The following CLASP1 variants were observed in gnomAD, a reference collection of about 807,000 sequenced individuals.
CLASP1 encodes the protein cytoplasmic linker associated protein 1, also known as CLIP-associating protein 1.
In CLASP1, 38 loss-of-function variants were observed where a neutral mutation model predicts 192.3. That is an observed-to-expected ratio of 0.20 (90% confidence interval 0.15 to 0.26). CLASP1 has a LOEUF of 0.26. Ranked by LOEUF, CLASP1 falls within the 10% of genes least tolerant of loss-of-function variation. The pLI, the probability that CLASP1 is intolerant of heterozygous loss-of-function variation, is 1.00. For missense variants in CLASP1, 1,433 were observed against 1,932.5 expected (o/e 0.74, Z 4.85); for synonymous variants, 691 against 712.8 (o/e 0.97, Z 0.49).
At chr2:121,532,325 ACT>A (rs1429705391) in intron 2 of CLASP1, 2 of 152,190 alleles carry the variant, frequency 1.3e-5, no homozygotes, top group Non-Finnish European at 2.9e-5. Flanking sequence ...TAAAATAATG[ACT>A]CTACTTTCCA....
At chr2:121,349,628 G>A (rs1026482803) in intron 37 of CLASP1, among the ~76,000 whole-genome samples, 5 of 152,214 alleles carry the variant, frequency 3.3e-5, no homozygotes, top group African/African-American at 1.2e-4. Flanking sequence ...AAGGCACAGA[G>A]AGAAGCCCCT....
intron 2 of CLASP1, among the ~76,000 whole-genome samples, chr2:121,560,691 T>C (rs1039878824): frequency 2.6e-5 from 4 of 152,230 alleles, no homozygotes; most frequent in African/African-American, 9.6e-5. Flanking sequence ...CTGACAATCC[T>C]TGAAGTTAAA....
chr2:121,469,133 G>A (rs983665530), intron 9 of CLASP1, among the ~76,000 whole-genome samples: 1 of 152,100 alleles, frequency 6.6e-6, no homozygotes, highest in Non-Finnish European at 1.5e-5. Flanking sequence ...TTGAGGTGTT[G>A]AGCTCTGCCC....
intron 1 of CLASP1, among the ~76,000 whole-genome samples, chr2:121,642,674 G>A (rs975995412): frequency 6.6e-5 from 10 of 152,264 alleles, no homozygotes; most frequent in Middle Eastern, 3.4e-3. Context: ...GGAGGTTGCA[G>A]TAAGCTGAGA....
intron 37 of CLASP1, among the ~76,000 whole-genome samples, chr2:121,350,839 C>T (rs764846355): frequency 1.6e-4 from 24 of 152,154 alleles, no homozygotes; most frequent in East Asian, 3.8e-4. Context: ...TCTCTCAGGG[C>T]GGTAAGATAA....
chr2:121,368,426 C>A (rs542051875), intron 34 of CLASP1, among the ~76,000 whole-genome samples: 1 of 152,166 alleles, frequency 6.6e-6, no homozygotes, highest in Non-Finnish European at 1.5e-5. Flanking sequence ...GGTCAAAGAA[C>A]AGGACTTTAG....
intron 37 of CLASP1, among the ~76,000 whole-genome samples, chr2:121,360,750 C>A (rs1207445201): frequency 3.3e-5 from 5 of 152,130 alleles, no homozygotes. Flanking sequence ...GTGAGTCAAA[C>A]TATGCAAAGC....
exon 17 of CLASP1, chr2:121,449,040 G>A (rs1205295247): frequency 6.2e-7 from 1 of 1,613,934 alleles, no homozygotes; most frequent in Non-Finnish European, 8.5e-7. Context: ...GGACTGCAGG[G>A]CTTTCTGGTA....
Position 121,449,233 on chromosome 2 carries a change from G to A in CLASP1, c.1524-113C>T, listed in dbSNP as rs1377175022. Reference sequence around the variant, plus strand: ...AAGGACTGGAAGCCTCAGTTTAGCCGCTAATAGTAGCAGGAGGAGAGGGTA... The same window carrying A: ...AAGGACTGGAAGCCTCAGTTTAGCCACTAATAGTAGCAGGAGGAGAGGGTA... On this transcript the variant is annotated intron_variant, in intron 16 of 39. Coordinates refer to ENST00000263710, the Ensembl canonical transcript of CLASP1. 9 of 805,346 alleles carry A rather than the reference G, an allele frequency of 1.1e-5. No individual in the cohort carries two copies. In the East Asian group the frequency reaches 1.6e-4, roughly 14 times the overall value. The allele number at this position is 805,346 out of a possible 1,614,324, so 49.9% of individuals were successfully genotyped here.
chr2:121,376,020 A>G (rs916346799), intron 34 of CLASP1, among the ~76,000 whole-genome samples: 1 of 152,260 alleles, frequency 6.6e-6, no homozygotes, highest in African/African-American at 2.4e-5. Flanking sequence ...ATTATAAAAA[A>G]GACAAAAAAT....
chr2:121,401,716 G>T (rs371781472), intron 27 of CLASP1, 44 bp from the exon 29 acceptor site: 1 of 1,518,928 alleles, frequency 6.6e-7, no homozygotes, highest in East Asian at 2.3e-5. Flanking sequence ...TTGAATTCAC[G>T]ATCTCCTCCA....
At chr2:121,426,232 A>C (rs1409941786) in intron 21 of CLASP1, among the ~76,000 whole-genome samples, 1 of 152,240 alleles carries the variant, frequency 6.6e-6, no homozygotes, top group Non-Finnish European at 1.5e-5. Context: ...AAGTCAAACA[A>C]TACACCACAA....
intron 2 of CLASP1, among the ~76,000 whole-genome samples, chr2:121,533,574 T>C (rs1406021312): frequency 2.0e-5 from 3 of 152,216 alleles, no homozygotes; most frequent in Non-Finnish European, 2.9e-5. Flanking sequence ...CAACTTCTTC[T>C]GCATGGCTCA....
intron 32 of CLASP1, 93 bp from the exon 34 acceptor site, chr2:121,382,417 T>G: frequency 2.8e-6 from 2 of 725,984 alleles, no homozygotes; most frequent in South Asian, 4.1e-5. Context: ...TGTCTTAGTC[T>G]CTTCTTTCCT....
exon 35 of CLASP1, chr2:121,367,763 GCCT>G: frequency 6.2e-7 from 1 of 1,613,864 alleles, no homozygotes; most frequent in Non-Finnish European, 8.5e-7. Context: ...GAGCTGTCCG[GCCT>G]CCTTCTACTT....
chr2:121,605,942 A>T, exon 2 of CLASP1: 3 of 1,555,730 alleles, frequency 1.9e-6, no homozygotes, highest in Non-Finnish European at 2.6e-6. Flanking sequence ...GGCAGTCACG[A>T]TGACTCCCTC....
chr2:121,599,587 C>CAAAAAAAA (rs763909303), intron 2 of CLASP1, among the ~76,000 whole-genome samples: 1 of 41,206 alleles, frequency 2.4e-5, no homozygotes, highest in Non-Finnish European at 4.8e-5. Context: ...GACTCCATCT[C>CAAAAAAAA]AAAAAAAAAA....
rs866700738 is a variant in CLASP1 at position 121,367,455 on chromosome 2, C to G, written c.3886+133G>C. ...GGGATTCAGTTAAGTAGTGCCTGAA[C>G]AAATGACTAAGCAGAAAGAACAGAC... On this transcript the variant is annotated intron_variant, in intron 35 of 39. Coordinates refer to ENST00000263710, the Ensembl canonical transcript of CLASP1. The G allele has an allele frequency of 4.6e-5, 56 of 1,228,776 alleles. 4 individuals are homozygous for G. The South Asian group carries it at 7.7e-4, about 17-fold the overall frequency. 76.1% of individuals were successfully genotyped at this position (1,228,776 alleles called of 1,614,324 possible).
chr2:121,640,319 T>C (rs374448562), intron 1 of CLASP1, among the ~76,000 whole-genome samples: 1 of 152,284 alleles, frequency 6.6e-6, no homozygotes, highest in East Asian at 1.9e-4. Context: ...TGTATAACTA[T>C]GTAACGAGCC....
Sources: allele counts gnomAD v4.1 joint callset (sites outside exome capture counted in the v4.1 genomes callset), GRCh38; gene constraint gnomAD v4.1.1; transcripts MANE v1.5; gene names NCBI Gene and HGNC (gene_info 2026-07-23, HGNC 2026-07-21).